The following GMPR variants were observed in gnomAD, a reference collection of about 807,000 sequenced individuals.
The protein encoded by GMPR is guanosine monophosphate reductase, also known as GMP reductase 1.
In GMPR, 31 loss-of-function variants were observed where a neutral mutation model predicts 38.4. The ratio of observed to expected loss-of-function variants is 0.81; its 90% confidence interval spans 0.61 to 1.09. The LOEUF is 1.09. Among genes scored for constraint, GMPR ranks in the 50% least tolerant of loss-of-function variants. The pLI, the probability that GMPR is intolerant of heterozygous loss-of-function variation, is 0.00. For missense variants in GMPR, 468 were observed against 453.7 expected (o/e 1.03, Z -0.29); for synonymous variants, 162 against 173.3 (o/e 0.93, Z 0.51).
At chr6:16,271,471 A>T (rs1205682982) in intron 4 of GMPR, among the ~76,000 whole-genome samples, 2 of 152,204 alleles carry the variant, frequency 1.3e-5, no homozygotes, top group African/African-American at 4.8e-5. Context: ...GGGAGACAAG[A>T]GTGAGACCCT....
At chr6:16,251,447 G>A (rs1189222116) in intron 3 of GMPR, among the ~76,000 whole-genome samples, 2 of 152,204 alleles carry the variant, frequency 1.3e-5, no homozygotes, top group African/African-American at 2.4e-5. Flanking sequence ...GCGCATGCCT[G>A]TAATCCCAGC....
intron 7 of GMPR, among the ~76,000 whole-genome samples, chr6:16,289,349 G>A (rs1424797857): frequency 6.6e-6 from 1 of 152,180 alleles, no homozygotes; most frequent in Non-Finnish European, 1.5e-5. Flanking sequence ...AGGCAATGAA[G>A]AATCCCACTG....
At chr6:16,242,912 A>G (rs2113666137) in intron 1 of GMPR, among the ~76,000 whole-genome samples, 1 of 152,288 alleles carries the variant, frequency 6.6e-6, no homozygotes, top group Admixed American at 6.5e-5. Flanking sequence ...TGCTGGGATT[A>G]TGTGCCCTGA....
intron 6 of GMPR, among the ~76,000 whole-genome samples, chr6:16,279,261 T>TG (rs560573288): frequency 1.9e-4 from 29 of 151,826 alleles, no homozygotes; most frequent in Middle Eastern, 3.4e-3. Flanking sequence ...ATCAGGGTGT[T>TG]GGGGGGGGCA....
intron 7 of GMPR, among the ~76,000 whole-genome samples, chr6:16,286,530 G>A (rs979831051): frequency 6.6e-6 from 1 of 151,268 alleles, no homozygotes; most frequent in Non-Finnish European, 1.5e-5. Context: ...CCATGCCTCC[G>A]CCCTTTGCTG....
At chr6:16,270,448 T>G (rs537968953) in intron 4 of GMPR, among the ~76,000 whole-genome samples, 1 of 152,116 alleles carries the variant, frequency 6.6e-6, no homozygotes, top group South Asian at 2.1e-4. Context: ...ACACCCAAGG[T>G]GCTTCATGAC....
intron 7 of GMPR, among the ~76,000 whole-genome samples, chr6:16,288,630 TGAG>T (rs1418003022): frequency 6.6e-6 from 1 of 152,226 alleles, no homozygotes; most frequent in Admixed American, 6.5e-5. Context: ...ATGCAAGGGC[TGAG>T]GAGTGCAGGC....
At chr6:16,263,181 A>T (rs1024058248) in intron 4 of GMPR, 2 of 151,868 alleles carry the variant, frequency 1.3e-5, no homozygotes, top group Admixed American at 6.6e-5. Flanking sequence ...TTGCATTGGG[A>T]ACAGAGACTA....
chr6:16,266,397 C>G (rs1402178055), intron 4 of GMPR, among the ~76,000 whole-genome samples: 2 of 116,370 alleles, frequency 1.7e-5, no homozygotes, highest in Non-Finnish European at 3.4e-5. Flanking sequence ...GACGTGCCAC[C>G]TTTAAGAGCT....
intron 4 of GMPR, among the ~76,000 whole-genome samples, chr6:16,273,590 G>C (rs1463226347): frequency 6.6e-6 from 1 of 152,078 alleles, no homozygotes; most frequent in Non-Finnish European, 1.5e-5. Flanking sequence ...GGTCCATGAG[G>C]GCTCATCTGC....
intron 4 of GMPR, among the ~76,000 whole-genome samples, chr6:16,269,691 G>A (rs1759343889): frequency 6.6e-6 from 1 of 152,176 alleles, no homozygotes; most frequent in Non-Finnish European, 1.5e-5. Context: ...CAGCTACTCG[G>A]GAGGCTGAGG....
chr6:16,244,195 T>G (rs554520163), intron 1 of GMPR, among the ~76,000 whole-genome samples: 1 of 151,714 alleles, frequency 6.6e-6, no homozygotes, highest in South Asian at 2.1e-4. Context: ...TGTGGTAGGT[T>G]GTCCTCTATT....
chr6:16,243,809 G>A (rs1758704452), intron 1 of GMPR, among the ~76,000 whole-genome samples: 1 of 152,174 alleles, frequency 6.6e-6, no homozygotes, highest in Non-Finnish European at 1.5e-5. Context: ...CCTTCCCCAA[G>A]TAACTTTGAG....
At chr6:16,270,286 C>T (rs1026635204) in intron 4 of GMPR, among the ~76,000 whole-genome samples, 10 of 152,200 alleles carry the variant, frequency 6.6e-5, no homozygotes, top group African/African-American at 1.9e-4. Context: ...TATCAGAAAC[C>T]TCCATCTGCC....
intron 4 of GMPR, among the ~76,000 whole-genome samples, chr6:16,267,080 A>G (rs189661305): frequency 2.7e-5 from 4 of 150,484 alleles, no homozygotes; most frequent in East Asian, 4.1e-4. Flanking sequence ...GAGCTGTAAC[A>G]TGGCCGGGCG....
At chr6:16,285,705 C>G in intron 6 of GMPR, 88 bp from the exon 7 acceptor site, 2 of 1,094,478 alleles carry the variant, frequency 1.8e-6, no homozygotes, top group South Asian at 1.3e-5. Context: ...GGGTCTGAAC[C>G]CCCAGTCACT....
At chr6:16,244,154 G>A (rs4716052) in intron 1 of GMPR, among the ~76,000 whole-genome samples, 65,180 of 149,348 alleles carry the variant, frequency 0.44, 15,270 homozygotes, top group East Asian at 0.75. Flanking sequence ...CAGTTTGTTC[G>A]TTGGACTTAC....
intron 6 of GMPR, among the ~76,000 whole-genome samples, chr6:16,283,829 TTTATTTAATGTGTTTGAGGCCAGAAG>T (rs1420732631): frequency 6.6e-6 from 1 of 152,218 alleles, no homozygotes; most frequent in Non-Finnish European, 1.5e-5. Context: ...GGAGCATGAG[TTTATTTAATGTGTTTGAGGCCAGAAG>T]TGTGAAACAC....
chr6:16,263,795 G>A (rs1402806368), intron 4 of GMPR, among the ~76,000 whole-genome samples: 4 of 148,826 alleles, frequency 2.7e-5, no homozygotes, highest in Non-Finnish European at 4.5e-5. Flanking sequence ...AGATAGGTCA[G>A]GGCACAGAAA....
Sources: gnomAD v4.1 joint callset for allele counts (sites outside exome capture counted in the v4.1 genomes callset) on GRCh38, gnomAD v4.1.1 for gene constraint, MANE v1.5 for transcripts, NCBI Gene and HGNC (gene_info 2026-07-23, HGNC 2026-07-21) for gene names.